RHOF: variants seen among roughly 807,000 people sequenced by gnomAD.
RHOF encodes the protein rho-related GTP-binding protein RhoF.
In RHOF, 21 loss-of-function variants were observed where a neutral mutation model predicts 22.2. The observed-to-expected ratio is 0.95, with a 90% CI of 0.67 to 1.36. The LOEUF is 1.36. Among genes scored for constraint, RHOF ranks in the 40% most tolerant of loss-of-function variants. The pLI is 0.00. For synonymous variants in RHOF, 135 were observed against 131.2 expected (o/e 1.03, Z -0.20); for missense variants, 285 against 293.7 (o/e 0.97, Z 0.22).
At chr12:121,785,279 T>G (rs1389203951) in intron 2 of RHOF, among the ~76,000 whole-genome samples, 1 of 152,192 alleles carries the variant, frequency 6.6e-6, no homozygotes, top group East Asian at 1.9e-4. Context: ...CAGTGCATGA[T>G]CTAAAATTTA....
intron 2 of RHOF, among the ~76,000 whole-genome samples, chr12:121,792,584 C>G (rs1467332354): frequency 6.6e-6 from 1 of 152,250 alleles, no homozygotes; most frequent in Non-Finnish European, 1.5e-5. Context: ...ATTGTAGCCA[C>G]GCAATTCCAG....
At chr12:121,793,074 C>G in intron 2 of RHOF, 78 bp downstream of exon 2, 1 of 1,259,948 alleles carries the variant, frequency 7.9e-7, no homozygotes, top group East Asian at 2.5e-5. Context: ...GGCGGGGACA[C>G]CCAGTGGGGG....
intron 2 of RHOF, among the ~76,000 whole-genome samples, chr12:121,790,582 C>T (rs953379164): frequency 6.6e-6 from 1 of 152,246 alleles, no homozygotes; most frequent in African/African-American, 2.4e-5. Flanking sequence ...CACTCACTGA[C>T]CAGGGGATTT....
intron 2 of RHOF, among the ~76,000 whole-genome samples, chr12:121,785,823 AG>A (rs1400609232): frequency 3.3e-5 from 5 of 152,088 alleles, no homozygotes; most frequent in African/African-American, 1.2e-4. Flanking sequence ...TGTGTTAGCC[AG>A]GATGGTCTCG....
At chr12:121,779,996 A>G (rs1211963406) in intron 4 of RHOF, 2 of 255,136 alleles carry the variant, frequency 7.8e-6, no homozygotes, top group Admixed American at 9.7e-5. Context: ...CAAGACAGAA[A>G]GGACTTCCAG....
At chr12:121,779,708 TCTC>T (rs780415903) in intron 4 of RHOF, 46 bp from the exon 5 acceptor site, 26 of 1,604,772 alleles carry the variant, frequency 1.6e-5, no homozygotes, top group Non-Finnish European at 2.1e-5. Context: ...CCCCTGGAGG[TCTC>T]CTAGCACCAC....
chr12:121,785,916 T>TTTTG (rs1305855541), intron 2 of RHOF, among the ~76,000 whole-genome samples: 31 of 131,990 alleles, frequency 2.3e-4, no homozygotes, highest in African/African-American at 9.8e-4. Context: ...CAGCCTTTTC[T>TTTTG]TTTCTTTGTT....
intron 2 of RHOF, chr12:121,781,943 A>C (rs1158547932): frequency 6.6e-6 from 1 of 152,240 alleles, no homozygotes; most frequent in African/African-American, 2.4e-5. Context: ...AGCTGAATCC[A>C]AATACGGATC....
At chr12:121,787,828 G>T (rs975167973) in intron 2 of RHOF, among the ~76,000 whole-genome samples, 4 of 149,674 alleles carry the variant, frequency 2.7e-5, no homozygotes, top group African/African-American at 9.9e-5. Flanking sequence ...CTTGAGCTGG[G>T]GAGGTGGAGC....
At chr12:121,783,111 T>G (rs1449818522) in intron 2 of RHOF, 1 of 152,150 alleles carries the variant, frequency 6.6e-6, no homozygotes, top group Non-Finnish European at 1.5e-5. Flanking sequence ...TGCAGAAAGT[T>G]CTACTGGACG....
chr12:121,785,226 G>C (rs1247011458), intron 2 of RHOF, among the ~76,000 whole-genome samples: 1 of 152,068 alleles, frequency 6.6e-6, no homozygotes, highest in African/African-American at 2.4e-5. Context: ...ATCCCGGGTG[G>C]GATGCAGCAG....
intron 2 of RHOF, among the ~76,000 whole-genome samples, chr12:121,791,149 G>A (rs1874753589): frequency 1.3e-5 from 2 of 151,166 alleles, no homozygotes; most frequent in African/African-American, 4.9e-5. Context: ...GCTGGGAGAT[G>A]TAGTCTCGCC....
chr12:121,784,953 G>GT (rs1424211834), intron 2 of RHOF, among the ~76,000 whole-genome samples: 3 of 152,148 alleles, frequency 2.0e-5, no homozygotes, highest in Non-Finnish European at 4.4e-5. Flanking sequence ...TAGATACGCT[G>GT]TTTTTTTCTA....
At position 121,780,864 on chromosome 12, in the gene RHOF, C is replaced by A; in HGVS notation, c.471+8G>T. On this transcript the variant is annotated splice_region_variant and intron_variant, in intron 4 of 4. Coordinates refer to ENST00000267205, the MANE Select transcript of RHOF (RefSeq NM_019034.3). ...CGGCTGTGCCCCAGGGTCTTGGCCC[C>A]GGCCCACCTGCATGTAGGTGATGGG... The A allele has an allele frequency of 6.2e-7, 1 of 1,611,064 alleles. No individual in the cohort carries two copies. Among genetic ancestry groups the A allele is most frequent in the Non-Finnish European group, 8.5e-7 (1 of 1,178,784 alleles).
chr12:121,779,802 C>T, intron 4 of RHOF, 140 bp from the exon 5 acceptor site: 1 of 864,412 alleles, frequency 1.2e-6, no homozygotes. Flanking sequence ...TCCATCCTGG[C>T]TGCCCCTCAC....
chr12:121,779,239 TGA>T lies in RHOF; in HGVS notation c.*257_*258del. 1.9e-6 allele frequency: 1 copy of T among 526,022 alleles called. No homozygotes were observed. Among genetic ancestry groups the T allele is most frequent in the South Asian group, 2.4e-5 (1 of 42,312 alleles). 32.6% of individuals were successfully genotyped at this position (526,022 alleles called of 1,614,324 possible). On this transcript the variant is annotated 3_prime_UTR_variant, in exon 5 of 5. Transcript: ENST00000267205. ...ACACTCGTGGTGGGGGTGGCTGTGA[TGA>T]GGGCACTTGCGAGTCCCGACAACAG...
At chr12:121,783,701 C>T (rs565375159) in intron 2 of RHOF, among the ~76,000 whole-genome samples, 9 of 152,072 alleles carry the variant, frequency 5.9e-5, no homozygotes, top group Non-Finnish European at 1.3e-4. Context: ...AGGCTGGTCT[C>T]GAACTCCCGA....
chr12:121,786,228 G>A (rs1430678573), intron 2 of RHOF, among the ~76,000 whole-genome samples: 5 of 151,306 alleles, frequency 3.3e-5, no homozygotes, highest in Non-Finnish European at 7.4e-5. Context: ...CCTTTTTTCT[G>A]TATTTTTAGT....
chr12:121,793,177 C>G lies in RHOF; in HGVS notation c.201G>C (p.Val67=). The G allele has an allele frequency of 6.4e-7, 1 of 1,550,666 alleles. No individual in the cohort carries two copies. The highest frequency in any genetic ancestry group is 8.7e-7 in the Non-Finnish European group (1 of 1,146,818). The change falls in exon 2 of 5, where the codon GTG becomes GTC. Residue 67 remains valine (V), a synonymous_variant. Transcript: ENST00000267205. ...TASVTVGSKE[V]TLNLYDTAGQ... is the part of the protein sequence containing the mutation. ...CGGCCGTGTCGTAGAGGTTCAGGGT[C>G]ACCTCCTTGCTGCCAACGGTCACGC... is the stretch of plus-strand genomic sequence containing the variant.
Sources: gnomAD v4.1 joint callset for allele counts (sites outside exome capture counted in the v4.1 genomes callset) on GRCh38, gnomAD v4.1.1 for gene constraint, MANE v1.5 for transcripts, NCBI Gene and HGNC (gene_info 2026-07-23, HGNC 2026-07-21) for gene names.